Variants in TLL1 observed in about 807,000 individuals in gnomAD.
TLL1 encodes tolloid like 1, also known as tolloid-like protein 1.
A neutral mutation model predicts 128.2 loss-of-function variants in TLL1; 49 were observed. That is an observed-to-expected ratio of 0.38 (90% CI 0.30 to 0.48). TLL1 has a LOEUF of 0.48. Ranked by LOEUF, TLL1 falls within the 20% of genes least tolerant of loss-of-function variation. The probability of loss-of-function intolerance (pLI) is 0.96; values close to 1 mark genes in which losing one functional copy is unlikely to be tolerated. For synonymous variants in TLL1, 454 were observed against 418.8 expected, an observed-to-expected ratio of 1.08 and a Z score of -1.03; for missense variants, 1,123 against 1,242.0, an observed-to-expected ratio of 0.90 and a Z score of 1.44.
intron 1 of TLL1, among the ~76,000 whole-genome samples, chr4:165,914,717 C>A (rs1258146412): frequency 6.6e-6 from 1 of 152,096 alleles, no homozygotes; most frequent in African/African-American, 2.4e-5. Flanking sequence ...TGCAGAGGAC[C>A]CTTGTCACAA....
intron 1 of TLL1, among the ~76,000 whole-genome samples, chr4:165,933,987 G>A (rs1733651412): frequency 6.6e-6 from 1 of 151,712 alleles, no homozygotes; most frequent in African/African-American, 2.4e-5. Context: ...CCTTCCACTG[G>A]TGACGTTCAT....
At chr4:165,895,901 T>A (rs978908932) in intron 1 of TLL1, among the ~76,000 whole-genome samples, 1 of 152,130 alleles carries the variant, frequency 6.6e-6, no homozygotes, top group Admixed American at 6.5e-5. Context: ...TCTGATAAAG[T>A]TGCAAAGACA....
At chr4:166,014,077 G>C (rs947857780) in intron 7 of TLL1, among the ~76,000 whole-genome samples, 6 of 151,714 alleles carry the variant, frequency 4.0e-5, no homozygotes, top group African/African-American at 1.5e-4. Flanking sequence ...ACCTCTATGA[G>C]GAATCATTGT....
intron 1 of TLL1, among the ~76,000 whole-genome samples, chr4:165,959,440 T>C (rs1261658934): frequency 2.0e-5 from 3 of 152,036 alleles, no homozygotes; most frequent in African/African-American, 2.4e-5. Flanking sequence ...CCTTTGTAAG[T>C]TGGATTCCTA....
intron 20 of TLL1, among the ~76,000 whole-genome samples, chr4:166,099,853 C>A (rs1742210084): frequency 6.6e-6 from 1 of 152,054 alleles, no homozygotes. Context: ...TACACACACA[C>A]CATAGACAAT....
chr4:166,021,556 C>T (rs1738235243), intron 8 of TLL1, among the ~76,000 whole-genome samples: 1 of 151,794 alleles, frequency 6.6e-6, no homozygotes, highest in South Asian at 2.1e-4. Flanking sequence ...CCTCAGCCTC[C>T]CAAGTAGCTG....
At chr4:165,997,108 G>A (rs78968433) in intron 5 of TLL1, among the ~76,000 whole-genome samples, 2,837 of 151,982 alleles carry the variant, frequency 0.019, 87 homozygotes, top group African/African-American at 0.062. Flanking sequence ...ACTTCATTTG[G>A]AATTACCATT....
intron 8 of TLL1, among the ~76,000 whole-genome samples, chr4:166,024,393 T>C (rs1396745057): frequency 4.6e-5 from 7 of 152,306 alleles, no homozygotes; most frequent in African/African-American, 1.2e-4. Flanking sequence ...AGCTCTGTTT[T>C]GATTGCAGTG....
intron 1 of TLL1, among the ~76,000 whole-genome samples, chr4:165,927,086 A>C (rs1427374125): frequency 6.6e-6 from 1 of 152,244 alleles, no homozygotes; most frequent in African/African-American, 2.4e-5. Context: ...ACTATGAAGC[A>C]ACTTTAAGGG....
intron 1 of TLL1, among the ~76,000 whole-genome samples, chr4:165,905,361 G>A (rs1368326767): frequency 6.6e-6 from 1 of 152,132 alleles, no homozygotes; most frequent in African/African-American, 2.4e-5. Context: ...ATTACTTTAT[G>A]TTGATTTTAT....
chr4:165,882,916 C>A (rs1178086047), intron 1 of TLL1, among the ~76,000 whole-genome samples: 1 of 151,804 alleles, frequency 6.6e-6, no homozygotes, highest in Non-Finnish European at 1.5e-5. Flanking sequence ...TGGGTGAACT[C>A]CTGACCAAGA....
intron 12 of TLL1, among the ~76,000 whole-genome samples, chr4:166,052,723 C>T (rs998509110): frequency 6.6e-6 from 1 of 151,996 alleles, no homozygotes. Context: ...GAATCAGGAG[C>T]AGTTCATTCT....
intron 1 of TLL1, among the ~76,000 whole-genome samples, chr4:165,936,874 C>A (rs1441179945): frequency 6.6e-6 from 1 of 151,940 alleles, no homozygotes; most frequent in Admixed American, 6.6e-5. Context: ...CAGAGATTGC[C>A]GTGAGCCGAG....
chr4:166,025,251 T>C, intron 8 of TLL1, 65 bp from the exon 9 acceptor site: 1 of 1,213,696 alleles, frequency 8.2e-7, no homozygotes, highest in Non-Finnish European at 1.2e-6. Context: ...TTCATGGCTT[T>C]GTTTATGATA....
intron 2 of TLL1, among the ~76,000 whole-genome samples, chr4:165,990,670 ATAT>A (rs774975855): frequency 3.9e-5 from 6 of 151,904 alleles, no homozygotes; most frequent in Admixed American, 6.6e-5. Flanking sequence ...ACGCACTTTA[ATAT>A]TATTAGGTAG....
intron 8 of TLL1, among the ~76,000 whole-genome samples, chr4:166,019,786 T>C (rs1262061574): frequency 6.6e-6 from 1 of 152,190 alleles, no homozygotes; most frequent in African/African-American, 2.4e-5. Context: ...TTCCTTAAAA[T>C]CATACTATCA....
At chr4:165,987,903 T>C (rs1736460419) in intron 1 of TLL1, among the ~76,000 whole-genome samples, 1 of 152,150 alleles carries the variant, frequency 6.6e-6, no homozygotes, top group Admixed American at 6.6e-5. Flanking sequence ...TTGAAAAGCA[T>C]GGATTTTGTC....
At chr4:165,876,435 C>A (rs1406702797) in intron 1 of TLL1, among the ~76,000 whole-genome samples, 1 of 152,178 alleles carries the variant, frequency 6.6e-6, no homozygotes, top group Admixed American at 6.5e-5. Context: ...ACACTTGGGG[C>A]ATCTTTGATC....
chr4:166,087,768 G>A (rs1056207012), intron 18 of TLL1, among the ~76,000 whole-genome samples: 1 of 152,140 alleles, frequency 6.6e-6, no homozygotes, highest in Non-Finnish European at 1.5e-5. Flanking sequence ...CTGGAAGCCT[G>A]GCCAGGGGCC....
Sources: allele counts gnomAD v4.1 joint callset (sites outside exome capture counted in the v4.1 genomes callset), GRCh38; gene constraint gnomAD v4.1.1; transcripts MANE v1.5; gene names NCBI Gene and HGNC (gene_info 2026-07-23, HGNC 2026-07-21).